SARNP: variants seen among roughly 807,000 people sequenced by gnomAD.
The protein encoded by SARNP is SAP domain containing ribonucleoprotein, also known as SAP domain-containing ribonucleoprotein.
SARNP carries 5 observed loss-of-function variants against 38.1 expected under a neutral mutation model. That is an observed-to-expected ratio of 0.13 (90% CI 0.07 to 0.28). The LOEUF (loss-of-function observed/expected upper bound fraction) is 0.28. SARNP is among the 10% of genes least tolerant of loss of function. The pLI, the probability that SARNP is intolerant of heterozygous loss-of-function variation, is 1.00. For synonymous variants in SARNP, 84 were observed against 80.6 expected, an observed-to-expected ratio of 1.04 and a Z score of -0.23; for missense variants, 180 against 243.9, an observed-to-expected ratio of 0.74 and a Z score of 1.75.
At position 55,803,087 on chromosome 12, in the gene SARNP, C is replaced by T. The variant is rs187354817; in HGVS notation, c.136+542G>A. 2.7e-3 allele frequency among the ~76,000 whole-genome samples: 405 copies of T among 151,958 alleles called. 4 individuals are homozygous for T. Among genetic ancestry groups the T allele is most frequent in the Admixed American group, 6.2e-3 (94 of 15,258 alleles). ...AAAAATACATTCAAACACATTAGAA[C>T]GGGTGCCTAAATGGGTTGGGGAGAA... On this transcript the variant is annotated intron_variant, in intron 2 of 10. Coordinates refer to ENST00000336133, the MANE Select transcript of SARNP (RefSeq NM_033082.4).
chr12:55,780,798 C>A (rs527682818), intron 9 of SARNP, among the ~76,000 whole-genome samples: 20 of 152,286 alleles, frequency 1.3e-4, no homozygotes, highest in African/African-American at 4.3e-4. Context: ...ATATGCTGGA[C>A]AAGGGGATGA....
intron 9 of SARNP, among the ~76,000 whole-genome samples, chr12:55,770,393 G>C (rs932727939): frequency 6.1e-5 from 9 of 148,642 alleles, no homozygotes; most frequent in African/African-American, 2.2e-4. Flanking sequence ...CGCCCAGCTA[G>C]GTTTTTTTTT....
intron 9 of SARNP, among the ~76,000 whole-genome samples, chr12:55,761,190 TAAATA>T (rs1878665303): frequency 6.6e-6 from 1 of 151,176 alleles, no homozygotes; most frequent in South Asian, 2.1e-4. Context: ...AAAAAAATAA[TAAATA>T]AAATAAACAG....
chr12:55,787,749 C>CTTTT (rs150950873), intron 9 of SARNP, among the ~76,000 whole-genome samples: 1 of 137,174 alleles, frequency 7.3e-6, no homozygotes, highest in Non-Finnish European at 1.6e-5. Flanking sequence ...TTCTTTCTTT[C>CTTTT]TTTTTTTTTT....
chr12:55,813,539 ATTTT>A (rs11412761), intron 1 of SARNP, among the ~76,000 whole-genome samples: 5 of 108,086 alleles, frequency 4.6e-5, no homozygotes, highest in African/African-American at 1.1e-4. Flanking sequence ...GCTGCCTGGA[ATTTT>A]TTTTTTTTTT....
Position 55,772,713 on chromosome 12 carries a change from T to TG in SARNP, c.502-12074_502-12073insC, listed in dbSNP as rs1879044266. Among the ~76,000 whole-genome samples the TG allele has an allele frequency of 1.0e-4, 4 of 38,940 alleles. No homozygotes were observed. The Admixed American group carries it at 1.3e-3, about 12-fold the overall frequency. 25.5% of individuals were successfully genotyped at this position (38,940 alleles called of 152,430 possible). ...GAAGTCAGTAGAGGGAAGCTGAAAC[T>TG]TTTTTTTTTTTTTTTTTTGAGACAG... On this transcript the variant is annotated intron_variant, in intron 9 of 10. Coordinates refer to ENST00000336133, the MANE Select transcript of SARNP (RefSeq NM_033082.4).
At chr12:55,798,325 C>G (rs1047155567) in intron 4 of SARNP, among the ~76,000 whole-genome samples, 1 of 152,106 alleles carries the variant, frequency 6.6e-6, no homozygotes, top group African/African-American at 2.4e-5. Flanking sequence ...CGGCGAAACC[C>G]CATCTCTACA....
At chr12:55,807,398 G>A (rs909479873) in intron 1 of SARNP, among the ~76,000 whole-genome samples, 1 of 152,002 alleles carries the variant, frequency 6.6e-6, no homozygotes, top group African/African-American at 2.4e-5. Context: ...TCTTGATCTT[G>A]GTGGCTTATG....
chr12:55,782,865 C>G (rs935723324), intron 9 of SARNP, among the ~76,000 whole-genome samples: 1 of 152,204 alleles, frequency 6.6e-6, no homozygotes, highest in African/African-American at 2.4e-5. Context: ...AATCTCAGCA[C>G]TTTGGGAGGC....
intron 9 of SARNP, among the ~76,000 whole-genome samples, chr12:55,786,488 T>A (rs993510443): frequency 1.3e-5 from 2 of 152,046 alleles, no homozygotes; most frequent in Non-Finnish European, 2.9e-5. Flanking sequence ...CTCACTCTGT[T>A]ACCCAGGCTG....
At chr12:55,813,609 A>G (rs894539480) in intron 1 of SARNP, among the ~76,000 whole-genome samples, 2 of 136,856 alleles carry the variant, frequency 1.5e-5, no homozygotes, top group Non-Finnish European at 1.5e-5. Flanking sequence ...CAATGGTGCC[A>G]TATCGGCTCA....
At chr12:55,804,411 G>T (rs1388103840) in intron 1 of SARNP, among the ~76,000 whole-genome samples, 1 of 137,228 alleles carries the variant, frequency 7.3e-6, no homozygotes, top group South Asian at 2.3e-4. Flanking sequence ...ATGCAACACG[G>T]AAACAGAAAA....
chr12:55,781,089 G>C (rs1192674261), intron 9 of SARNP, among the ~76,000 whole-genome samples: 2 of 152,176 alleles, frequency 1.3e-5, no homozygotes, highest in African/African-American at 4.8e-5. Flanking sequence ...ATTTCAGATG[G>C]TGGGAGAATA....
At chr12:55,804,210 T>C (rs1880068235) in intron 1 of SARNP, among the ~76,000 whole-genome samples, 1 of 152,172 alleles carries the variant, frequency 6.6e-6, no homozygotes, top group Non-Finnish European at 1.5e-5. Context: ...ATTAGGTAGA[T>C]GCATTAGCTA....
intron 9 of SARNP, among the ~76,000 whole-genome samples, chr12:55,770,935 T>C (rs996482023): frequency 1.3e-4 from 20 of 149,032 alleles, no homozygotes; most frequent in Non-Finnish European, 2.7e-4. Flanking sequence ...CCTTCTTCAA[T>C]CTTTTTTTTT....
At chr12:55,760,520 G>C (rs1356155507) in intron 10 of SARNP, 31 bp downstream of exon 10, 3 of 1,207,160 alleles carry the variant, frequency 2.5e-6, no homozygotes, top group Admixed American at 3.4e-5. Flanking sequence ...TTCCCTTCAA[G>C]GTCTATGAAG....
intron 9 of SARNP, among the ~76,000 whole-genome samples, chr12:55,778,348 T>C (rs911096551): frequency 6.6e-6 from 1 of 152,110 alleles, no homozygotes; most frequent in Admixed American, 6.6e-5. Flanking sequence ...GGTTTCACCA[T>C]GTTGGCCAGG....
At chr12:55,800,534 A>C (rs771835141) in intron 4 of SARNP, 28 bp downstream of exon 4, 27 of 1,444,460 alleles carry the variant, frequency 1.9e-5, no homozygotes, top group Non-Finnish European at 2.6e-5. Context: ...CCTGCTCTGT[A>C]CTCAGATTAT....
Position 55,803,864 on chromosome 12 carries a change from T to C in SARNP, c.37-136A>G, listed in dbSNP as rs1269425122. 6.7e-6 allele frequency: 4 copies of C among 593,086 alleles called. No homozygotes were observed. In the East Asian group the frequency reaches 1.1e-4, roughly 16 times the overall value. 36.7% of individuals were successfully genotyped at this position (593,086 alleles called of 1,614,324 possible). A position where few individuals can be genotyped will look rare whatever the true frequency, so the allele number is the denominator to read the frequency against. On this transcript the variant is annotated intron_variant, in intron 1 of 10. Coordinates refer to ENST00000336133, the MANE Select transcript of SARNP (RefSeq NM_033082.4). ...TTACTGCCCTTAATTCTACCAAGGC[T>C]CTAGGTCCACAAAGATGATCCATTT...
Sources: allele counts gnomAD v4.1 joint callset (sites outside exome capture counted in the v4.1 genomes callset), GRCh38; gene constraint gnomAD v4.1.1; transcripts MANE v1.5; gene names NCBI Gene and HGNC (gene_info 2026-07-23, HGNC 2026-07-21).